The following ENTPD5 variants were observed in gnomAD, a reference collection of about 807,000 sequenced individuals.
ENTPD5 encodes the protein nucleoside diphosphate phosphatase ENTPD5.
ENTPD5 carries 49 observed loss-of-function variants against 60.2 expected under a neutral mutation model. That is an observed-to-expected ratio of 0.81 (90% CI 0.65 to 1.03). The LOEUF (loss-of-function observed/expected upper bound fraction) is 1.03. Among genes scored for constraint, ENTPD5 ranks in the 50% least tolerant of loss-of-function variants. The pLI is 0.00. For missense variants in ENTPD5, 480 were observed against 507.6 expected, an observed-to-expected ratio of 0.95 and a Z score of 0.52; for synonymous variants, 187 against 185.4, an observed-to-expected ratio of 1.01 and a Z score of -0.07.
intron 3 of ENTPD5, among the ~76,000 whole-genome samples, chr14:73,991,462 C>T (rs1044797646): frequency 6.6e-6 from 1 of 151,950 alleles, no homozygotes; most frequent in African/African-American, 2.4e-5. Flanking sequence ...GTGGTGCATG[C>T]TTGTAATCCC....
Position 73,966,905 on chromosome 14 carries a change from G to A in ENTPD5, c.*23C>T, listed in dbSNP as rs201992473. On this transcript the variant is annotated 3_prime_UTR_variant, in exon 16 of 16. Transcript: ENST00000334696. ...CCTTAAAAAGGTGTTGGCAAATGCAGGTCTCCAAGGAAGTACGTGGCCTCA... is the reference window on the plus strand; with the variant it reads ...CCTTAAAAAGGTGTTGGCAAATGCAAGTCTCCAAGGAAGTACGTGGCCTCA... 2.1e-4 allele frequency: 327 copies of A among 1,594,384 alleles called. No individual in the cohort carries two copies. The highest frequency in any genetic ancestry group is 2.6e-4 in the Non-Finnish European group (300 of 1,162,508).
At chr14:73,974,350 T>TA (rs1380996385) in intron 11 of ENTPD5, among the ~76,000 whole-genome samples, 3 of 152,206 alleles carry the variant, frequency 2.0e-5, no homozygotes, top group Non-Finnish European at 4.4e-5. Flanking sequence ...AGGCTTCAAT[T>TA]AAATATACTT....
chr14:73,993,875 T>G (rs2058234110), intron 3 of ENTPD5, among the ~76,000 whole-genome samples: 1 of 150,682 alleles, frequency 6.6e-6, no homozygotes, highest in Non-Finnish European at 1.5e-5. Context: ...TCCAGAGATT[T>G]CAAAGGTGAA....
chr14:73,998,259 T>C (rs944719284), intron 3 of ENTPD5, among the ~76,000 whole-genome samples: 7 of 152,156 alleles, frequency 4.6e-5, no homozygotes. Context: ...AAAGCAATTA[T>C]GTGTACCTGT....
chr14:73,977,045 C>T lies in ENTPD5; in HGVS notation c.532G>A (p.Val178Ile). The change falls in exon 8 of 16, where the codon GTT becomes ATT. Residue 178 changes from valine to isoleucine, a missense_variant. Transcript: ENST00000334696. Reference sequence around the variant, plus strand: ...TTACCTGTCAGAAAATTCACAGTAACCCAAGCTAATATGCCTAAAAAGAAA... The same window carrying T: ...TTACCTGTCAGAAAATTCACAGTAATCCAAGCTAATATGCCTAAAAAGAAA... ...DGSDEGILAW[V>I]TVNFLTGQLH... 6.2e-7 allele frequency: 1 copy of T among 1,613,498 alleles called. No homozygotes were observed. The highest frequency in any genetic ancestry group is 8.5e-7 in the Non-Finnish European group (1 of 1,179,692).
chr14:73,955,536 C>T (rs1014405317), downstream of ENTPD5: 1 of 1,604,156 alleles, frequency 6.2e-7, no homozygotes, highest in South Asian at 1.1e-5. Context: ...TCAATTTTGT[C>T]AAGATGTCTT....
At position 74,004,178 on chromosome 14, in the gene ENTPD5, A is replaced by T. The variant is rs567691709; in HGVS notation, c.-71+6913T>A. On this transcript the variant is annotated intron_variant, in intron 3 of 15. Transcript: ENST00000334696. The stretch of plus-strand genomic sequence containing the variant: ...ATATTTATTATCTCATCCCTTTTTT[A>T]TTTTTTTGAGACAGAGTCTCCCTCT... Among the ~76,000 whole-genome samples, 24 of 149,766 alleles carry T rather than the reference A, an allele frequency of 1.6e-4. 1 individual carries two copies. The highest frequency in any genetic ancestry group is 3.1e-4 in the Non-Finnish European group (21 of 67,272).
chr14:73,967,656 CAA>C (rs1206722282), intron 15 of ENTPD5, among the ~76,000 whole-genome samples: 3 of 151,740 alleles, frequency 2.0e-5, no homozygotes, highest in Non-Finnish European at 4.4e-5. Flanking sequence ...AAAAATTAGA[CAA>C]GAGTGGTGGC....
chr14:73,955,833 T>C (rs746624730), downstream of ENTPD5: 1 of 1,614,168 alleles, frequency 6.2e-7, no homozygotes, highest in East Asian at 2.2e-5. Flanking sequence ...GAGGCCCTGA[T>C]AATGTTTGAT....
At chr14:73,999,766 T>C (rs1430946244) in intron 3 of ENTPD5, among the ~76,000 whole-genome samples, 1 of 149,970 alleles carries the variant, frequency 6.7e-6, no homozygotes, top group Non-Finnish European at 1.5e-5. Flanking sequence ...CACTCTAGAC[T>C]GGGCAACAGG....
downstream of ENTPD5, chr14:73,955,827 C>T (rs1193248763): frequency 6.2e-7 from 1 of 1,613,970 alleles, no homozygotes; most frequent in Admixed American, 1.7e-5. Context: ...TGCTCAGAGG[C>T]CCTGATAATG....
At chr14:73,961,544 C>T (rs34746680), downstream of ENTPD5, 2,288 of 1,614,090 alleles carry the variant, frequency 1.4e-3, 31 homozygotes, top group African/African-American at 0.024. Context: ...CACCTCAGTA[C>T]GGCAGCCTTC....
At position 73,987,274 on chromosome 14, in the gene ENTPD5, T is replaced by G. The variant is rs1594895686; in HGVS notation, c.218-381A>C. On this transcript the variant is annotated intron_variant, in intron 4 of 15. Transcript: ENST00000334696. Reference sequence around the variant, plus strand: ...ACCACTCCCCATATTCTGAATATTATGGATCCCTGGAGTATCCCATGTTTA... The same window carrying G: ...ACCACTCCCCATATTCTGAATATTAGGGATCCCTGGAGTATCCCATGTTTA... 4.7e-6 allele frequency: 3 copies of G among 638,232 alleles called. No homozygotes were observed. The East Asian group carries it at 8.1e-5, about 17-fold the overall frequency. 39.5% of individuals were successfully genotyped at this position (638,232 alleles called of 1,614,324 possible).
In ENTPD5 at chr14:73,966,939, T is replaced by C. The variant is rs764577488; in HGVS notation, c.1276A>G (p.Ile426Val). ...GGAAGTACGTGGCCTCAATGGGAGA[T>C]GCCCAGAGACTGCAACAGGTGAAAG... ...ATFHLLQSLG[I>V]SH is the part of the protein sequence containing the mutation. The change falls in exon 16 of 16, where the codon ATC becomes GTC. Residue 426 changes from isoleucine (I) to valine (V), a missense_variant. By Grantham distance (29) the Ile-to-Val change is conservative. Coordinates refer to ENST00000334696, the MANE Select transcript of ENTPD5 (RefSeq NM_001249.5). The C allele has an allele frequency of 6.2e-7, 1 of 1,614,068 alleles. No homozygotes were observed. Among genetic ancestry groups the C allele is most frequent in the Non-Finnish European group, 8.5e-7 (1 of 1,179,894 alleles).
rs2057422995 is a variant in ENTPD5, at chr14:73,975,938, A to G, written c.720T>C (p.His240=). ...MFNSTYKLYT[H]SYLGFGLKAA... ...TTCTTCCCTGTCCCCGTCCTCACCT[A>G]TGTGTATAGAGCTTATAAGTGCTGT... The change falls in exon 10 of 16, where the codon CAT becomes CAC. Residue 240 remains histidine, a splice_region_variant and synonymous_variant. Transcript: ENST00000334696. 1.9e-6 allele frequency: 3 copies of G among 1,606,190 alleles called. No individual in the cohort carries two copies. Among genetic ancestry groups the G allele is most frequent in the Non-Finnish European group, 2.6e-6 (3 of 1,173,574 alleles).
intron 6 of ENTPD5, among the ~76,000 whole-genome samples, chr14:73,980,066 C>T (rs547769333): frequency 9.9e-5 from 15 of 151,684 alleles, no homozygotes; most frequent in Non-Finnish European, 1.9e-4. Context: ...CCTGCCTCAG[C>T]CTCCCCAGTA....
At chr14:73,967,799 C>CAA (rs33926682) in intron 15 of ENTPD5, among the ~76,000 whole-genome samples, 2 of 97,832 alleles carry the variant, frequency 2.0e-5, no homozygotes, top group Admixed American at 1.1e-4. Flanking sequence ...GACCCTGTCT[C>CAA]AAAAAAAAAA....
intron 3 of ENTPD5, among the ~76,000 whole-genome samples, chr14:74,008,393 C>CTTTT (rs986672970): frequency 7.0e-6 from 1 of 143,306 alleles, no homozygotes; most frequent in Non-Finnish European, 1.5e-5. Context: ...TTTCTTTTTT[C>CTTTT]TTTTTTTTTT....
At chr14:73,963,025 C>T (rs778365024), downstream of ENTPD5, 11 of 1,577,534 alleles carry the variant, frequency 7.0e-6, no homozygotes, top group East Asian at 2.2e-5. Flanking sequence ...AGAAAGATTA[C>T]GTTGATGAAA....
Sources: allele counts gnomAD v4.1 joint callset (sites outside exome capture counted in the v4.1 genomes callset), GRCh38; gene constraint gnomAD v4.1.1; transcripts MANE v1.5; gene names NCBI Gene and HGNC (gene_info 2026-07-23, HGNC 2026-07-21).